The following PDE4D variants were observed in gnomAD, a reference collection of about 807,000 sequenced individuals.
PDE4D encodes the protein phosphodiesterase 4D.
Under a neutral mutation model 87.4 loss-of-function variants are expected in PDE4D, and 24 were observed. That is an observed-to-expected ratio of 0.27 (90% confidence interval 0.20 to 0.39). PDE4D has a LOEUF of 0.39. Among genes scored for constraint, PDE4D ranks in the 10% least tolerant of loss-of-function variants. The pLI is 1.00. For missense variants in PDE4D, 714 were observed against 1,041.0 expected (o/e 0.69, Z 4.32); for synonymous variants, 384 against 383.2 (o/e 1.00, Z -0.02).
chr5:59,679,051 GT>G (rs1318839183), intron 1 of PDE4D, among the ~76,000 whole-genome samples: 14 of 152,104 alleles, frequency 9.2e-5, no homozygotes, highest in African/African-American at 3.4e-4. Context: ...CTTAGAGACA[GT>G]CTTATTCACT....
At chr5:58,976,020 T>C (rs1211514611) in intron 13 of PDE4D, among the ~76,000 whole-genome samples, 181 bp from the exon 14 acceptor site, 1 of 152,176 alleles carries the variant, frequency 6.6e-6, no homozygotes, top group South Asian at 2.1e-4. Context: ...TATTAATAGT[T>C]CCAAATTATG....
At chr5:59,930,288 A>G (rs1281814845) in intron 3 of PDE4D, among the ~76,000 whole-genome samples, 2 of 152,154 alleles carry the variant, frequency 1.3e-5, no homozygotes, top group Non-Finnish European at 2.9e-5. Context: ...TCAAGGTGAA[A>G]TCATCCTGGA....
intron 1 of PDE4D, among the ~76,000 whole-genome samples, chr5:60,349,617 G>A (rs1281227127): frequency 6.6e-6 from 1 of 152,080 alleles, no homozygotes; most frequent in Non-Finnish European, 1.5e-5. Flanking sequence ...AAGGTAAGAG[G>A]ACTCTTTCTG....
chr5:59,357,285 T>A (rs1423658626), intron 1 of PDE4D, among the ~76,000 whole-genome samples: 1 of 152,164 alleles, frequency 6.6e-6, no homozygotes, highest in Non-Finnish European at 1.5e-5. Context: ...CCCACAGGGC[T>A]TCGTTAAAAA....
chr5:59,687,962 G>A lies in PDE4D; in HGVS notation c.455+205206C>T, dbSNP rs567139011. Among the ~76,000 whole-genome samples the A allele has an allele frequency of 6.6e-5, 10 of 152,214 alleles. No individual in the cohort carries two copies. In the East Asian group the frequency reaches 1.9e-3, roughly 29 times the overall value. On this transcript the variant is annotated intron_variant, in intron 1 of 14. Transcript: ENST00000340635. ...GACTTTAAACCAACAAAGATCAAAA[G>A]AGACAAAGAAGGCCATTACGTAATG...
chr5:60,075,745 T>C (rs757147886), intron 2 of PDE4D, among the ~76,000 whole-genome samples: 1 of 152,162 alleles, frequency 6.6e-6, no homozygotes, highest in South Asian at 2.1e-4. Flanking sequence ...GACTATTTTA[T>C]TTCAGAAAGC....
At chr5:59,955,824 T>C (rs983527474) in intron 3 of PDE4D, among the ~76,000 whole-genome samples, 1 of 152,040 alleles carries the variant, frequency 6.6e-6, no homozygotes, top group Non-Finnish European at 1.5e-5. Flanking sequence ...CCCTTCTCCA[T>C]AGGGAAATGT....
chr5:59,283,471 T>C (rs1766242015), intron 1 of PDE4D, among the ~76,000 whole-genome samples: 1 of 152,210 alleles, frequency 6.6e-6, no homozygotes, highest in South Asian at 2.1e-4. Context: ...TATAGCTTCA[T>C]ATTCCTTACA....
intron 1 of PDE4D, among the ~76,000 whole-genome samples, chr5:59,358,437 T>G (rs1781731310): frequency 6.6e-6 from 1 of 152,196 alleles, no homozygotes; most frequent in Non-Finnish European, 1.5e-5. Context: ...GGTAGCCACT[T>G]TCCTGGTGTT....
chr5:59,612,273 T>A (rs958084259), intron 1 of PDE4D, among the ~76,000 whole-genome samples: 16 of 150,528 alleles, frequency 1.1e-4, no homozygotes, highest in Non-Finnish European at 1.8e-4. Context: ...TGGAAAAAAA[T>A]TACTGCTTGT....
intron 1 of PDE4D, among the ~76,000 whole-genome samples, chr5:59,648,041 G>C (rs1283414403): frequency 2.0e-5 from 3 of 152,056 alleles, no homozygotes; most frequent in Admixed American, 6.6e-5. Flanking sequence ...GTTTCCATAA[G>C]AGCTCTGCTA....
chr5:60,364,517 A>C (rs1362033628), intron 1 of PDE4D, among the ~76,000 whole-genome samples: 1 of 152,180 alleles, frequency 6.6e-6, no homozygotes, highest in Non-Finnish European at 1.5e-5. Context: ...TAAAATATTA[A>C]ATACTATCAT....
Position 59,223,893 on chromosome 5 carries a change from A to T in PDE4D, c.456-7925T>A, listed in dbSNP as rs115494006. ...CTTTACAAGATTACACAGCTAAATT[A>T]TACTACACATGTTAGCTTGTATAAT... On this transcript the variant is annotated intron_variant, in intron 1 of 14. Transcript: ENST00000340635. 7.3e-3 allele frequency among the ~76,000 whole-genome samples: 1,118 copies of T among 152,204 alleles called. 20 individuals are homozygous for T. The highest frequency in any genetic ancestry group is 0.025 in the African/African-American group (1,028 of 41,530).
intron 1 of PDE4D, among the ~76,000 whole-genome samples, chr5:59,685,579 G>C (rs1320715907): frequency 1.3e-5 from 2 of 152,168 alleles, no homozygotes; most frequent in South Asian, 2.1e-4. Flanking sequence ...GTTTACTTCA[G>C]AGAGGATTTT....
chr5:60,520,535 T>C (rs982758609), intron 1 of PDE4D, among the ~76,000 whole-genome samples: 1 of 152,212 alleles, frequency 6.6e-6, no homozygotes, highest in African/African-American at 2.4e-5. Flanking sequence ...TCACTCTCTT[T>C]ATCTTGTGAG....
chr5:60,241,777 GAA>G (rs146287546), intron 1 of PDE4D, among the ~76,000 whole-genome samples: 4,122 of 152,144 alleles, frequency 0.027, 203 homozygotes, highest in African/African-American at 0.094. Flanking sequence ...CCCAAACCTA[GAA>G]AAGAGTATCA....
At chr5:59,573,589 T>C (rs1822251200) in intron 1 of PDE4D, among the ~76,000 whole-genome samples, 1 of 152,152 alleles carries the variant, frequency 6.6e-6, no homozygotes, top group Non-Finnish European at 1.5e-5. Flanking sequence ...ATTGGCTCTT[T>C]AGCACTAAAT....
chr5:59,598,012 G>A (rs765440307), intron 1 of PDE4D, among the ~76,000 whole-genome samples: 66 of 151,966 alleles, frequency 4.3e-4, no homozygotes, highest in Non-Finnish European at 6.9e-4. Context: ...CACTTAATAG[G>A]CACAACAAAG....
chr5:59,172,115 A>T (rs1172607316), intron 5 of PDE4D, among the ~76,000 whole-genome samples: 3 of 80,312 alleles, frequency 3.7e-5, no homozygotes, highest in Non-Finnish European at 6.3e-5. Context: ...TATATATAAT[A>T]AATATATATT....
Sources: allele counts gnomAD v4.1 joint callset (sites outside exome capture counted in the v4.1 genomes callset), GRCh38; gene constraint gnomAD v4.1.1; transcripts MANE v1.5; gene names NCBI Gene and HGNC (gene_info 2026-07-23, HGNC 2026-07-21).